The following SYNE2 variants were observed in gnomAD, a reference collection of about 807,000 sequenced individuals.
The protein encoded by SYNE2 is nesprin-2.
A neutral mutation model predicts 856.3 loss-of-function variants in SYNE2; 431 were observed. That is an observed-to-expected ratio of 0.50 (90% CI 0.47 to 0.55). The LOEUF is 0.55. SYNE2 is among the 20% of genes least tolerant of loss of function. The probability of loss-of-function intolerance (pLI) is 0.00; values close to 1 mark genes in which losing one functional copy is unlikely to be tolerated. For missense variants in SYNE2, 8,129 were observed against 8,023.2 expected (o/e 1.01, Z -0.50); for synonymous variants, 2,923 against 2,872.3 (o/e 1.02, Z -0.56).
Position 64,011,496 on chromosome 14 carries a change from G to A in SYNE2, c.4728+1380G>A, listed in dbSNP as rs151037329. 6.5e-3 allele frequency among the ~76,000 whole-genome samples: 990 copies of A among 152,196 alleles called. 9 individuals carry two copies. The highest frequency in any genetic ancestry group is 0.023 in the African/African-American group (935 of 41,522). On this transcript the variant is annotated intron_variant, in intron 32 of 115. Coordinates refer to ENST00000555002, the MANE Select transcript of SYNE2 (RefSeq NM_182914.3). ...TCCTCTCGGGCTTGTGTCCCAGTTCGCATAGCCACCCTTCTGCCGTGTCCC... is the reference window on the plus strand; with the variant it reads ...TCCTCTCGGGCTTGTGTCCCAGTTCACATAGCCACCCTTCTGCCGTGTCCC...
Position 64,024,856 on chromosome 14 carries a change from T to G in SYNE2, c.5841-56T>G, listed in dbSNP as rs1055362009. 10 of 1,598,462 alleles carry G rather than the reference T, an allele frequency of 6.3e-6. No individual in the cohort carries two copies. The African/African-American group carries it at 1.3e-4, about 21-fold the overall frequency. ...CACAAGGTTTGTGCCATCCTTTTCT[T>G]TGGTATAAACACTTTTTGCTTATTT... is the stretch of plus-strand genomic sequence containing the variant. On this transcript the variant is annotated intron_variant, in intron 39 of 115. Transcript: ENST00000555002.
Position 64,132,446 on chromosome 14 carries a change from G to T in SYNE2, c.14514+8G>T. 6.2e-7 allele frequency: 1 copy of T among 1,614,122 alleles called. No homozygotes were observed. The highest frequency in any genetic ancestry group is 1.3e-5 in the African/African-American group (1 of 75,048). ...CTGCAGAGTTTGTTGCAGGTATTTGGGTTATGTAAACGTTGTACTGAAGCT... is the reference window on the plus strand; with the variant it reads ...CTGCAGAGTTTGTTGCAGGTATTTGTGTTATGTAAACGTTGTACTGAAGCT... On this transcript the variant is annotated splice_region_variant and intron_variant, in intron 77 of 115. Transcript: ENST00000555002.
chr14:63,859,919 TCTCTCTTTCTCC>T (rs1893035381), intron 1 of SYNE2, among the ~76,000 whole-genome samples: 1 of 151,594 alleles, frequency 6.6e-6, no homozygotes, highest in South Asian at 2.1e-4. Context: ...TTTCTTTCTC[TCTCTCTTTCTCC>T]CTTCTCCCCT....
At chr14:63,945,019 G>C (rs1718286242) in intron 6 of SYNE2, among the ~76,000 whole-genome samples, 1 of 149,338 alleles carries the variant, frequency 6.7e-6, no homozygotes, top group Non-Finnish European at 1.5e-5. Flanking sequence ...TGTTGGCCAG[G>C]CTAGCCTTGA....
chr14:64,074,030 C>G lies in SYNE2; in HGVS notation c.10760C>G (p.Ser3587Cys), dbSNP rs748430621. 14 of 1,614,172 alleles carry G rather than the reference C, an allele frequency of 8.7e-6. No individual in the cohort carries two copies. The highest frequency in any genetic ancestry group is 1.2e-5 in the Non-Finnish European group (14 of 1,180,016). ...CAGACTGAAATCCAAGAAAGACATTCCTTCACAAAAGAGATAATTGCTTTG... is the reference window on the plus strand; with the variant it reads ...CAGACTGAAATCCAAGAAAGACATTGCTTCACAAAAGAGATAATTGCTTTG... ...LVQTEIQERH[S>C]FTKEIIALKN... is the part of the protein sequence containing the mutation. The change falls in exon 53 of 116, where the codon TCC becomes TGC. Residue 3587 changes from serine to cysteine, a missense_variant. Physicochemically the swap from Ser to Cys is moderately radical, Grantham distance 112 (BLOSUM62 -1). Transcript: ENST00000555002.
chr14:64,165,787 T>C (rs761133574), intron 90 of SYNE2, among the ~76,000 whole-genome samples: 1 of 152,216 alleles, frequency 6.6e-6, no homozygotes, highest in South Asian at 2.1e-4. Context: ...GTGCTGGGAT[T>C]ACAGGCCTGA....
At chr14:63,916,886 C>T (rs1312855506) in intron 2 of SYNE2, among the ~76,000 whole-genome samples, 1 of 151,740 alleles carries the variant, frequency 6.6e-6, no homozygotes, top group Admixed American at 6.6e-5. Context: ...GAGTTTGAGA[C>T]CAGCCTGGGC....
chr14:63,775,058 C>A (rs1887060227), intron 1 of SYNE2, among the ~76,000 whole-genome samples: 1 of 152,166 alleles, frequency 6.6e-6, no homozygotes, highest in African/African-American at 2.4e-5. Context: ...CTCTCTGCAA[C>A]CTCCACCTCT....
intron 1 of SYNE2, among the ~76,000 whole-genome samples, chr14:63,815,649 A>G (rs1347258685): frequency 1.3e-5 from 2 of 152,016 alleles, no homozygotes; most frequent in Admixed American, 6.6e-5. Flanking sequence ...TAACCATCAC[A>G]CTGCCCTTTT....
chr14:63,804,312 G>T (rs903528379), intron 1 of SYNE2, among the ~76,000 whole-genome samples: 1 of 151,994 alleles, frequency 6.6e-6, no homozygotes, highest in African/African-American at 2.4e-5. Flanking sequence ...CCTTCCGTGG[G>T]TTGTCCGTTT....
intron 6 of SYNE2, among the ~76,000 whole-genome samples, chr14:63,942,964 A>C (rs991059722): frequency 6.6e-6 from 1 of 152,210 alleles, no homozygotes; most frequent in Admixed American, 6.5e-5. Flanking sequence ...TTGAATGCTG[A>C]ATTATCATGA....
intron 41 of SYNE2, among the ~76,000 whole-genome samples, chr14:64,026,239 A>G (rs2096977342): frequency 6.6e-6 from 1 of 152,248 alleles, no homozygotes; most frequent in Non-Finnish European, 1.5e-5. Flanking sequence ...TGCTTAGGTT[A>G]TAAAAATGTC....
In SYNE2 at chr14:63,938,968, G is replaced by A. The variant is rs528132934; in HGVS notation, c.80-1646G>A. On this transcript the variant is annotated intron_variant, in intron 2 of 115. Transcript: ENST00000555002. ...CGTGTGTGCATGTGTGCGCTTGCAT[G>A]TGTGCATGTGAGTGTCTGCATGTGT... 4.6e-5 allele frequency among the ~76,000 whole-genome samples: 7 copies of A among 152,290 alleles called. No individual in the cohort carries two copies. The South Asian group carries it at 1.5e-3, about 32-fold the overall frequency.
intron 1 of SYNE2, among the ~76,000 whole-genome samples, chr14:63,825,684 G>A (rs1313456915): frequency 2.6e-5 from 4 of 152,066 alleles, no homozygotes; most frequent in African/African-American, 9.7e-5. Flanking sequence ...AACCAGCCTG[G>A]TCAACATGGC....
intron 1 of SYNE2, among the ~76,000 whole-genome samples, chr14:63,776,107 G>C (rs1359532740): frequency 6.6e-6 from 1 of 152,166 alleles, no homozygotes; most frequent in African/African-American, 2.4e-5. Flanking sequence ...TGATTAGTGA[G>C]TTCGATGCCA....
chr14:63,999,024 A>C lies in SYNE2; in HGVS notation c.3464A>C (p.Lys1155Thr), dbSNP rs2096734223. 1 of 1,613,700 alleles carries C rather than the reference A, an allele frequency of 6.2e-7. No homozygotes were observed. The highest frequency in any genetic ancestry group is 1.3e-5 in the African/African-American group (1 of 74,892). ...AGGAGTAGTTCTTGTCTGCAGGCTAAACTGACAGATCTACAGGTAATTACC... is the reference window on the plus strand; with the variant it reads ...AGGAGTAGTTCTTGTCTGCAGGCTACACTGACAGATCTACAGGTAATTACC... Reference protein sequence around the residue: ...EDRSSSCLQAKLTDLQVIKNE... With the variant: ...EDRSSSCLQATLTDLQVIKNE... Residue 1155 changes from lysine to threonine, a missense_variant, in exon 27 of 116, where the codon AAA (lysine) becomes ACA (threonine). Physicochemically the swap from Lys to Thr is moderately conservative, Grantham distance 78. Coordinates refer to ENST00000555002, the MANE Select transcript of SYNE2 (RefSeq NM_182914.3).
At chr14:63,967,276 A>C (rs983740829) in intron 10 of SYNE2, among the ~76,000 whole-genome samples, 3 of 152,256 alleles carry the variant, frequency 2.0e-5, no homozygotes, top group African/African-American at 7.2e-5. Flanking sequence ...TGAATTGGGA[A>C]GAATAAGCTG....
chr14:64,024,620 C>T (rs533166270), intron 39 of SYNE2, among the ~76,000 whole-genome samples, 161 bp downstream of exon 39: 13 of 152,244 alleles, frequency 8.5e-5, no homozygotes, highest in Admixed American at 5.2e-4. Context: ...TATAAAAATT[C>T]GGGAAAAATC....
chr14:63,994,352 G>A (rs1478407828), intron 22 of SYNE2, among the ~76,000 whole-genome samples: 1 of 152,202 alleles, frequency 6.6e-6, no homozygotes, highest in Non-Finnish European at 1.5e-5. Flanking sequence ...TAATTAATGT[G>A]ATAATTAAAA....
Sources: allele counts gnomAD v4.1 joint callset (sites outside exome capture counted in the v4.1 genomes callset), GRCh38; gene constraint gnomAD v4.1.1; transcripts MANE v1.5; gene names NCBI Gene and HGNC (gene_info 2026-07-23, HGNC 2026-07-21).